CNBD1: variants seen among roughly 807,000 people sequenced by gnomAD.
CNBD1 encodes cyclic nucleotide binding domain containing 1, also known as cyclic nucleotide-binding domain-containing protein 1.
A neutral mutation model predicts 54.4 loss-of-function variants in CNBD1; 71 were observed. The observed-to-expected ratio is 1.30, with a 90% confidence interval of 1.08 to 1.59. The LOEUF is 1.59. Among genes scored for constraint, CNBD1 ranks in the 40% most tolerant of loss-of-function variants. The pLI is 0.00. For synonymous variants in CNBD1, 182 were observed against 170.7 expected, an observed-to-expected ratio of 1.07 and a Z score of -0.51; for missense variants, 659 against 518.0, an observed-to-expected ratio of 1.27 and a Z score of -2.64.
intron 4 of CNBD1, among the ~76,000 whole-genome samples, chr8:87,024,015 A>G (rs1314067750): frequency 6.6e-6 from 1 of 152,030 alleles, no homozygotes. Flanking sequence ...AGGCGGGTGG[A>G]TCACGAGGTC....
In CNBD1 at chr8:86,919,350, T is replaced by A. The variant is rs377279488; in HGVS notation, c.272+14156T>A. Among the ~76,000 whole-genome samples the A allele has an allele frequency of 3.7e-4, 57 of 152,196 alleles. No individual in the cohort carries two copies. The East Asian group carries it at 6.4e-3, about 17-fold the overall frequency. On this transcript the variant is annotated intron_variant, in intron 3 of 10. Transcript: ENST00000518476. The stretch of plus-strand genomic sequence containing the variant: ...AGGCAGTACTCAAAACTAGAAGAGG[T>A]TTGGAGAGCCCCAACCAGCCATGTG...
intron 3 of CNBD1, among the ~76,000 whole-genome samples, chr8:86,906,736 G>T (rs1029300507): frequency 6.6e-6 from 1 of 152,174 alleles, no homozygotes; most frequent in African/African-American, 2.4e-5. Context: ...ACCAGCAGTG[G>T]TCTGCTTCTT....
chr8:87,266,343 A>G (rs1331634478), intron 6 of CNBD1, among the ~76,000 whole-genome samples: 2 of 150,774 alleles, frequency 1.3e-5, no homozygotes, highest in African/African-American at 2.4e-5. Flanking sequence ...AAATAAAGCT[A>G]TAATAATTAA....
intron 4 of CNBD1, among the ~76,000 whole-genome samples, chr8:87,157,783 C>T (rs1586296399): frequency 6.6e-6 from 1 of 152,054 alleles, no homozygotes; most frequent in East Asian, 1.9e-4. Flanking sequence ...GCACATTTGC[C>T]TATTTTTTTC....
chr8:87,317,490 T>A (rs370137831), intron 8 of CNBD1, among the ~76,000 whole-genome samples: 2 of 151,984 alleles, frequency 1.3e-5, no homozygotes, highest in African/African-American at 4.8e-5. Flanking sequence ...TTATTGTTAT[T>A]TGAAAATATT....
In CNBD1 at chr8:87,318,509, C is replaced by T. The variant is rs562587494; in HGVS notation, c.1042+31838C>T. ...ACCATACGTTTTGAAGGAGCCCCTG[C>T]GTGCACATCAGAGGTTGTTCCCTCT... On this transcript the variant is annotated intron_variant, in intron 8 of 10. Coordinates refer to ENST00000518476, the MANE Select transcript of CNBD1 (RefSeq NM_173538.3). Among the ~76,000 whole-genome samples the T allele has an allele frequency of 1.0e-3, 159 of 152,212 alleles. 1 individual carries two copies. Among genetic ancestry groups the T allele is most frequent in the African/African-American group, 3.3e-3 (137 of 41,538 alleles).
chr8:87,117,098 C>A (rs1381186812), intron 4 of CNBD1, among the ~76,000 whole-genome samples: 1 of 152,014 alleles, frequency 6.6e-6, no homozygotes, highest in Non-Finnish European at 1.5e-5. Flanking sequence ...ACTTGAACAT[C>A]ATTTATAAGA....
At chr8:87,169,204 T>C (rs1813034806) in intron 4 of CNBD1, among the ~76,000 whole-genome samples, 1 of 152,138 alleles carries the variant, frequency 6.6e-6, no homozygotes, top group African/African-American at 2.4e-5. Context: ...TCATACACAT[T>C]TTCCATTTGT....
At chr8:87,149,821 G>A (rs113499771) in intron 4 of CNBD1, among the ~76,000 whole-genome samples, 4 of 152,162 alleles carry the variant, frequency 2.6e-5, no homozygotes, top group South Asian at 4.1e-4. Context: ...ACGGAATAAG[G>A]ATCAATGGCC....
chr8:87,055,496 A>G (rs916661183), intron 4 of CNBD1, among the ~76,000 whole-genome samples: 3 of 151,308 alleles, frequency 2.0e-5, no homozygotes, highest in Non-Finnish European at 2.9e-5. Context: ...TGAAAAGGGG[A>G]GGGAATGTTT....
At chr8:87,370,377 C>T (rs1238352723) in intron 10 of CNBD1, among the ~76,000 whole-genome samples, 1 of 152,108 alleles carries the variant, frequency 6.6e-6, no homozygotes, top group Non-Finnish European at 1.5e-5. Context: ...CTCCACTACT[C>T]TCCAGCACCT....
At chr8:87,359,769 C>T (rs1032883533) in intron 10 of CNBD1, among the ~76,000 whole-genome samples, 19 of 151,918 alleles carry the variant, frequency 1.3e-4, no homozygotes, top group Non-Finnish European at 2.7e-4. Context: ...GAAAACTCAG[C>T]GTGAGCAAAC....
At chr8:87,230,111 G>A (rs1404859160) in intron 5 of CNBD1, among the ~76,000 whole-genome samples, 1 of 152,172 alleles carries the variant, frequency 6.6e-6, no homozygotes, top group South Asian at 2.1e-4. Context: ...GCTGAGAGCA[G>A]GAGGAACAGA....
intron 6 of CNBD1, among the ~76,000 whole-genome samples, chr8:87,273,606 A>G (rs1387180495): frequency 6.6e-6 from 1 of 151,948 alleles, no homozygotes; most frequent in East Asian, 1.9e-4. Flanking sequence ...GAGTAATGTG[A>G]CACTTATCCC....
chr8:87,402,029 G>T (rs1807575052), intron 2 of CNBD1, among the ~76,000 whole-genome samples: 1 of 151,952 alleles, frequency 6.6e-6, no homozygotes, highest in Admixed American at 6.6e-5. Flanking sequence ...AGAAAAAGAG[G>T]TATAAAGTAC....
intron 10 of CNBD1, among the ~76,000 whole-genome samples, chr8:87,355,708 A>G (rs958197302): frequency 3.9e-5 from 6 of 152,196 alleles, no homozygotes; most frequent in Admixed American, 3.9e-4. Context: ...AACAGACTAA[A>G]TTGAAAGTTG....
At chr8:87,014,325 A>G (rs1448505068) in intron 4 of CNBD1, among the ~76,000 whole-genome samples, 3 of 151,696 alleles carry the variant, frequency 2.0e-5, no homozygotes, top group African/African-American at 7.3e-5. Context: ...TTATTCCTGT[A>G]GAATACTATA....
chr8:87,240,197 A>G (rs1196097860), intron 6 of CNBD1, among the ~76,000 whole-genome samples: 3 of 152,020 alleles, frequency 2.0e-5, no homozygotes, highest in Non-Finnish European at 4.4e-5. Context: ...ACTAAAATCT[A>G]TTTTTGCTAT....
At chr8:87,333,289 T>A (rs1809873404) in intron 8 of CNBD1, among the ~76,000 whole-genome samples, 1 of 152,186 alleles carries the variant, frequency 6.6e-6, no homozygotes, top group Non-Finnish European at 1.5e-5. Flanking sequence ...CAATGGATGT[T>A]TTTCTAAATA....
Sources: gnomAD v4.1 joint callset for allele counts (sites outside exome capture counted in the v4.1 genomes callset) on GRCh38, gnomAD v4.1.1 for gene constraint, MANE v1.5 for transcripts, NCBI Gene and HGNC (gene_info 2026-07-23, HGNC 2026-07-21) for gene names.